Variants in ELOVL5 observed in about 807,000 individuals in gnomAD.
The protein encoded by ELOVL5 is ELOVL fatty acid elongase 5, also known as very long chain fatty acid elongase 5.
ELOVL5 carries 8 observed loss-of-function variants against 38.6 expected under a neutral mutation model. The ratio of observed to expected loss-of-function variants is 0.21; its 90% CI spans 0.12 to 0.37. The LOEUF is 0.37. Ranked by LOEUF, ELOVL5 falls within the 10% of genes least tolerant of loss-of-function variation. The probability of loss-of-function intolerance (pLI) is 1.00; values close to 1 mark genes in which losing one functional copy is unlikely to be tolerated. For missense variants in ELOVL5, 280 were observed against 367.8 expected, an observed-to-expected ratio of 0.76 and a Z score of 1.95; for synonymous variants, 127 against 133.7, an observed-to-expected ratio of 0.95 and a Z score of 0.34.
intron 1 of ELOVL5, among the ~76,000 whole-genome samples, chr6:53,325,605 G>T (rs1452809173): frequency 6.6e-6 from 1 of 152,212 alleles, no homozygotes; most frequent in Non-Finnish European, 1.5e-5. Context: ...GCTTTGCTCA[G>T]GAGGAAGATC....
In ELOVL5 at chr6:53,324,691, A is replaced by AAAAAAAAAAAAAC. The variant is rs70980840; in HGVS notation, c.-9+24125_-9+24126insGTTTTTTTTTTTT. Among the ~76,000 whole-genome samples the AAAAAAAAAAAAAC allele has an allele frequency of 4.1e-4, 49 of 118,098 alleles. 4 individuals carry two copies. The highest frequency in any genetic ancestry group is 7.7e-4 in the East Asian group (3 of 3,892). The allele number at this position is 118,098 out of a possible 152,430, so 77.5% of individuals were successfully genotyped here. ...TCCTGTCAAAAAAAAAAAAAAAAAA[A>AAAAAAAAAAAAAC]GGAAAAGAAATAGAATCAGGAAGGA... On this transcript the variant is annotated intron_variant, in intron 1 of 7. Coordinates refer to ENST00000304434, the MANE Select transcript of ELOVL5 (RefSeq NM_021814.5).
intron 3 of ELOVL5, among the ~76,000 whole-genome samples, chr6:53,287,170 T>C (rs1766602548): frequency 6.6e-6 from 1 of 152,180 alleles, no homozygotes. Flanking sequence ...CAAAATTACA[T>C]TTTAAATGTT....
intron 1 of ELOVL5, among the ~76,000 whole-genome samples, chr6:53,344,865 A>G (rs770360640): frequency 6.6e-6 from 1 of 152,168 alleles, no homozygotes; most frequent in South Asian, 2.1e-4. Context: ...ATGTCCTCCT[A>G]TTCCTGCCTA....
chr6:53,313,397 G>A (rs542079291), intron 1 of ELOVL5, among the ~76,000 whole-genome samples: 1 of 152,090 alleles, frequency 6.6e-6, no homozygotes, highest in Non-Finnish European at 1.5e-5. Flanking sequence ...ACATCACTCT[G>A]TCTCCCAGGC....
intron 1 of ELOVL5, among the ~76,000 whole-genome samples, chr6:53,342,617 A>C (rs903971788): frequency 6.6e-6 from 1 of 152,228 alleles, no homozygotes; most frequent in Non-Finnish European, 1.5e-5. Flanking sequence ...ATAACCATAA[A>C]GATTACAGTT....
intron 3 of ELOVL5, among the ~76,000 whole-genome samples, chr6:53,286,909 G>A (rs191193803): frequency 7.4e-4 from 112 of 152,214 alleles, no homozygotes; most frequent in African/African-American, 2.6e-3. Context: ...ACAAATTTCC[G>A]AAGAAGTCTG....
At chr6:53,286,935 T>G (rs1766595266) in intron 3 of ELOVL5, among the ~76,000 whole-genome samples, 1 of 152,204 alleles carries the variant, frequency 6.6e-6, no homozygotes, top group East Asian at 1.9e-4. Context: ...GGACTGTACT[T>G]TAGATGCATT....
chr6:53,337,589 C>T (rs1478565137), intron 1 of ELOVL5, among the ~76,000 whole-genome samples: 1 of 152,150 alleles, frequency 6.6e-6, no homozygotes, highest in Non-Finnish European at 1.5e-5. Flanking sequence ...GCCATTAGCA[C>T]ATATTATAGG....
intron 1 of ELOVL5, among the ~76,000 whole-genome samples, chr6:53,334,258 T>G (rs906718587): frequency 1.3e-5 from 2 of 152,040 alleles, no homozygotes; most frequent in Non-Finnish European, 2.9e-5. Context: ...CCTCCCAAAC[T>G]CAGTTGGAGA....
In ELOVL5 at chr6:53,306,217, G is replaced by GAAAGGGGAGAGGGGAGA. The variant is rs1561878336; in HGVS notation, c.-8-10511_-8-10510insTCTCCCCTCTCCCCTTT. Among the ~76,000 whole-genome samples, 140 of 21,152 alleles carry GAAAGGGGAGAGGGGAGA rather than the reference G, an allele frequency of 6.6e-3. 21 individuals carry two copies. The highest frequency in any genetic ancestry group is 0.035 in the Admixed American group (74 of 2,142). 13.9% of individuals were successfully genotyped at this position (21,152 alleles called of 152,430 possible). The stretch of plus-strand genomic sequence containing the variant: ...TGGAAAGGGGAGGAGAAAGGGGAGA[G>GAAAGGGGAGAGGGGAGA]GGGAGAGGGGAGAGGGGAGAGGGAG... On this transcript the variant is annotated intron_variant, in intron 1 of 7. Coordinates refer to ENST00000304434, the MANE Select transcript of ELOVL5 (RefSeq NM_021814.5).
intron 3 of ELOVL5, among the ~76,000 whole-genome samples, chr6:53,289,754 A>G (rs977650436): frequency 1.3e-5 from 2 of 152,212 alleles, no homozygotes; most frequent in Admixed American, 1.3e-4. Context: ...AGCTAAAATG[A>G]TATTTGAAGT....
In ELOVL5 at chr6:53,268,087, C is replaced by G. The variant is rs1028974651; in HGVS notation, c.*1040G>C. ...CTTAAAAAGTTCTAAGGTCCTTTCC[C>G]CCCCTTTGTTAATTTTGGTAAACTA... On this transcript the variant is annotated 3_prime_UTR_variant, in exon 8 of 8. Transcript: ENST00000304434. The G allele has an allele frequency of 6.6e-6, 1 of 152,108 alleles. No individual in the cohort carries two copies. The highest frequency in any genetic ancestry group is 2.4e-5 in the African/African-American group (1 of 41,414). 9.4% of individuals were successfully genotyped at this position (152,108 alleles called of 1,614,324 possible). A position where few individuals can be genotyped will look rare whatever the true frequency, so the allele number is the denominator to read the frequency against.
At chr6:53,342,905 G>A (rs1470732019) in intron 1 of ELOVL5, among the ~76,000 whole-genome samples, 2 of 152,060 alleles carry the variant, frequency 1.3e-5, no homozygotes, top group African/African-American at 2.4e-5. Flanking sequence ...AGGTCACCAA[G>A]TATGAATATT....
At chr6:53,295,734 T>C in intron 1 of ELOVL5, 27 bp from the exon 2 acceptor site, 1 of 1,366,576 alleles carries the variant, frequency 7.3e-7, no homozygotes. Context: ...AGATACTGAT[T>C]AATCTCTACT....
intron 3 of ELOVL5, among the ~76,000 whole-genome samples, chr6:53,291,388 C>T (rs1194615003): frequency 6.6e-6 from 1 of 152,208 alleles, no homozygotes; most frequent in African/African-American, 2.4e-5. Flanking sequence ...CCTCCCCTAC[C>T]TTCAAACAAG....
intron 1 of ELOVL5, among the ~76,000 whole-genome samples, chr6:53,306,752 A>G (rs972438786): frequency 5.3e-5 from 8 of 152,178 alleles, no homozygotes; most frequent in Admixed American, 2.0e-4. Flanking sequence ...TATCATCTTA[A>G]AGCTGCCAAC....
At chr6:53,277,037 T>G (rs1463823159) in intron 3 of ELOVL5, 2 of 143,696 alleles carry the variant, frequency 1.4e-5, no homozygotes, top group South Asian at 2.4e-4. Flanking sequence ...CTCCCCTCAA[T>G]GGGCCCGTGA....
chr6:53,320,124 G>A (rs1768235987), intron 1 of ELOVL5, among the ~76,000 whole-genome samples: 1 of 151,928 alleles, frequency 6.6e-6, no homozygotes, highest in South Asian at 2.1e-4. Flanking sequence ...AGACCAGCCT[G>A]GCCAACGTGG....
At position 53,270,677 on chromosome 6, in the gene ELOVL5, C is replaced by A; in HGVS notation, c.672G>T (p.Pro224=). The part of the protein sequence containing the change: ...IIQTSCGVIW[P]CTFPLGWLYF... ...ACAACCAACCAAGAGGGAATGTGCA[C>A]GGCCAGATGACCCCGCAGCTGGTCT... is the stretch of plus-strand genomic sequence containing the variant. Residue 224 remains proline, a synonymous_variant, in exon 7 of 8, where the codon CCG becomes CCT. Transcript: ENST00000304434. 6.2e-7 allele frequency: 1 copy of A among 1,614,150 alleles called. No individual in the cohort carries two copies. Among genetic ancestry groups the A allele is most frequent in the Non-Finnish European group, 8.5e-7 (1 of 1,180,012 alleles).
Sources: allele counts gnomAD v4.1 joint callset (sites outside exome capture counted in the v4.1 genomes callset), GRCh38; gene constraint gnomAD v4.1.1; transcripts MANE v1.5; gene names NCBI Gene and HGNC (gene_info 2026-07-23, HGNC 2026-07-21).